The following C8orf34 variants were observed in gnomAD, a reference collection of about 807,000 sequenced individuals.
The protein encoded by C8orf34 is uncharacterized protein C8orf34.
Under a neutral mutation model 68.3 loss-of-function variants are expected in C8orf34, and 65 were observed. The ratio of observed to expected loss-of-function variants is 0.95; its 90% CI spans 0.78 to 1.17. The LOEUF (loss-of-function observed/expected upper bound fraction) is 1.17. Among genes scored for constraint, C8orf34 ranks in the 50% most tolerant of loss-of-function variants. The pLI is 0.00. For synonymous variants in C8orf34, 244 were observed against 241.2 expected (o/e 1.01, Z -0.11); for missense variants, 664 against 655.4 (o/e 1.01, Z -0.14).
intron 8 of C8orf34, among the ~76,000 whole-genome samples, chr8:68,678,088 T>C (rs1399705821): frequency 6.6e-6 from 1 of 152,144 alleles, no homozygotes; most frequent in Non-Finnish European, 1.5e-5. Flanking sequence ...TAAGCTGTAA[T>C]AAAAATCTCC....
intron 8 of C8orf34, among the ~76,000 whole-genome samples, chr8:68,650,394 G>C (rs1244378758): frequency 3.3e-5 from 5 of 151,830 alleles, no homozygotes; most frequent in Non-Finnish European, 5.9e-5. Context: ...GGCGGTGTCT[G>C]ATTTACATAG....
At chr8:68,716,649 T>G (rs1821481124) in intron 9 of C8orf34, among the ~76,000 whole-genome samples, 1 of 151,968 alleles carries the variant, frequency 6.6e-6, no homozygotes, top group African/African-American at 2.4e-5. Context: ...CAAAACTAAG[T>G]GCTGGTGAAG....
chr8:68,419,865 T>G (rs1809871194), intron 1 of C8orf34, among the ~76,000 whole-genome samples: 1 of 145,688 alleles, frequency 6.9e-6, no homozygotes, highest in South Asian at 2.3e-4. Context: ...CATTGGGAGA[T>G]ATACCTAATG....
intron 1 of C8orf34, among the ~76,000 whole-genome samples, chr8:68,436,628 C>T (rs1810678719): frequency 1.3e-5 from 2 of 152,150 alleles, no homozygotes; most frequent in East Asian, 3.9e-4. Context: ...GAAGGTGAGG[C>T]TCTTCTGTCT....
At chr8:68,595,089 T>G (rs1180300554) in intron 7 of C8orf34, among the ~76,000 whole-genome samples, 2 of 151,472 alleles carry the variant, frequency 1.3e-5, no homozygotes, top group Non-Finnish European at 2.9e-5. Flanking sequence ...CATCCAGAGT[T>G]TTAGTTCTGG....
At chr8:68,628,455 A>G (rs1023775036) in intron 7 of C8orf34, among the ~76,000 whole-genome samples, 2 of 152,160 alleles carry the variant, frequency 1.3e-5, no homozygotes, top group African/African-American at 4.8e-5. Flanking sequence ...TTTAGGAACT[A>G]TAGCTGTCTC....
intron 5 of C8orf34, among the ~76,000 whole-genome samples, chr8:68,508,880 G>A (rs568604385): frequency 6.6e-6 from 1 of 152,236 alleles, no homozygotes. Flanking sequence ...GGAAGAAAAG[G>A]GGGAAACAGG....
intron 5 of C8orf34, among the ~76,000 whole-genome samples, chr8:68,516,743 T>G (rs1814536605): frequency 6.6e-6 from 1 of 152,028 alleles, no homozygotes; most frequent in Non-Finnish European, 1.5e-5. Context: ...CAGATTCAAG[T>G]GATTCTCCTG....
chr8:68,567,575 A>ATCTTT (rs1816629745), intron 7 of C8orf34, among the ~76,000 whole-genome samples: 1 of 33,044 alleles, frequency 3.0e-5, no homozygotes, highest in Non-Finnish European at 6.3e-5. Flanking sequence ...TGTTTCATTT[A>ATCTTT]TCTTTTTTTT....
intron 1 of C8orf34, among the ~76,000 whole-genome samples, chr8:68,385,474 A>G (rs955218952): frequency 5.3e-5 from 8 of 152,228 alleles, no homozygotes. Context: ...TTGACCTATA[A>G]TAAAATTATA....
At chr8:68,467,442 C>T (rs1031185329) in intron 3 of C8orf34, among the ~76,000 whole-genome samples, 3 of 148,224 alleles carry the variant, frequency 2.0e-5, no homozygotes, top group Non-Finnish European at 4.5e-5. Context: ...TATAGTTATC[C>T]TTTATTTTAA....
chr8:68,331,102 C>T lies in C8orf34; in HGVS notation c.90C>T (p.Pro30=). Residue 30 remains proline, a synonymous_variant, in exon 1 of 14, where the codon CCC becomes CCT. Transcript: ENST00000518698. The part of the protein sequence containing the change: ...RLSAPHARVA[P]RAATHARGRG... ...CAGCGCCCCACGCGCGCGTGGCTCC[C>T]CGGGCTGCCACCCACGCCCGCGGCC... 4.7e-6 allele frequency: 7 copies of T among 1,496,778 alleles called. No individual in the cohort carries two copies. Among genetic ancestry groups the T allele is most frequent in the Non-Finnish European group, 5.3e-6 (6 of 1,132,144 alleles). 92.7% of individuals were successfully genotyped at this position (1,496,778 alleles called of 1,614,324 possible). A position where few individuals can be genotyped will look rare whatever the true frequency, so the allele number is the denominator to read the frequency against.
chr8:68,391,235 T>C (rs1292084099), intron 1 of C8orf34, among the ~76,000 whole-genome samples: 3 of 152,164 alleles, frequency 2.0e-5, no homozygotes, highest in East Asian at 3.9e-4. Context: ...GGTGATATTA[T>C]AATCCTAAAA....
Position 68,419,693 on chromosome 8 carries a change from T to C in C8orf34, c.328-19806T>C, listed in dbSNP as rs371563975. On this transcript the variant is annotated intron_variant, in intron 1 of 13. Transcript: ENST00000518698. ...GTCCTTTGTAGGGACATGGATGAAA[T>C]TGGAAATCATCATTCTCAGTAAACT... Among the ~76,000 whole-genome samples the C allele has an allele frequency of 8.4e-3, 1,264 of 150,912 alleles. 8 individuals carry two copies. The highest frequency in any genetic ancestry group is 0.017 in the Middle Eastern group (5 of 292).
chr8:68,350,255 A>G (rs527884218), intron 1 of C8orf34, among the ~76,000 whole-genome samples: 3 of 150,036 alleles, frequency 2.0e-5, no homozygotes, highest in East Asian at 2.0e-4. Context: ...AGTGATTTTC[A>G]TAGTCTTGCT....
At chr8:68,454,682 T>G (rs550646611) in intron 3 of C8orf34, among the ~76,000 whole-genome samples, 35 of 152,192 alleles carry the variant, frequency 2.3e-4, no homozygotes, top group Admixed American at 6.5e-4. Flanking sequence ...CTTTTTCATC[T>G]TTCTAAAGAA....
intron 10 of C8orf34, among the ~76,000 whole-genome samples, chr8:68,747,232 T>A (rs891847110): frequency 6.6e-6 from 1 of 151,658 alleles, no homozygotes; most frequent in Non-Finnish European, 1.5e-5. Context: ...ATGGGACGTA[T>A]TTCAAAATAA....
intron 4 of C8orf34, among the ~76,000 whole-genome samples, chr8:68,478,720 G>A (rs538033209): frequency 6.6e-6 from 1 of 152,298 alleles, no homozygotes; most frequent in African/African-American, 2.4e-5. Flanking sequence ...AAGATGGCAG[G>A]AGAGAGAATG....
intron 8 of C8orf34, among the ~76,000 whole-genome samples, chr8:68,686,586 T>C (rs187418821): frequency 6.5e-4 from 99 of 152,170 alleles, no homozygotes; most frequent in Middle Eastern, 3.4e-3. Context: ...CCTTTTATGA[T>C]CAAAAGCTCT....
Sources: allele counts gnomAD v4.1 joint callset (sites outside exome capture counted in the v4.1 genomes callset), GRCh38; gene constraint gnomAD v4.1.1; transcripts MANE v1.5; gene names NCBI Gene and HGNC (gene_info 2026-07-23, HGNC 2026-07-21).